Variants in GNB4 observed in about 807,000 individuals in gnomAD.
GNB4 encodes the protein G protein subunit beta 4.
A neutral mutation model predicts 45.2 loss-of-function variants in GNB4; 28 were observed. That is an observed-to-expected ratio of 0.62 (90% CI 0.46 to 0.85). GNB4 has a LOEUF of 0.85. Among genes scored for constraint, GNB4 ranks in the 40% least tolerant of loss-of-function variants. The probability of loss-of-function intolerance (pLI) is 0.00; values close to 1 mark genes in which losing one functional copy is unlikely to be tolerated. For missense variants in GNB4, 321 were observed against 425.4 expected, an observed-to-expected ratio of 0.75 and a Z score of 2.16; for synonymous variants, 132 against 143.7, an observed-to-expected ratio of 0.92 and a Z score of 0.58.
At chr3:179,433,532 G>C (rs987988952) in intron 1 of GNB4, among the ~76,000 whole-genome samples, 1 of 151,520 alleles carries the variant, frequency 6.6e-6, no homozygotes, top group African/African-American at 2.4e-5. Flanking sequence ...TTAAGCACAG[G>C]AATTTGAAGC....
chr3:179,405,185 C>A lies in GNB4; in HGVS notation c.916+5G>T. 6.2e-7 allele frequency: 1 copy of A among 1,609,750 alleles called. No homozygotes were observed. On this transcript the variant is annotated splice_donor_5th_base_variant and intron_variant, in intron 9 of 9. Transcript: ENST00000232564. The stretch of plus-strand genomic sequence containing the variant: ...TCAGAACCTAATGTGGACTTATTTA[C>A]TAACCTGCACGATCTCCTTTTAGCG...
At chr3:179,499,568 T>G in the GNB4 span, among the ~76,000 whole-genome samples, 2 of 152,324 alleles carry the variant, frequency 1.3e-5, no homozygotes, top group Admixed American at 1.3e-4. Flanking sequence ...ACATGTGTCT[T>G]TATAGTAGAA....
chr3:179,421,997 G>A (rs1230548356), intron 2 of GNB4, among the ~76,000 whole-genome samples: 1 of 152,158 alleles, frequency 6.6e-6, no homozygotes, highest in African/African-American at 2.4e-5. Context: ...CAAGCTTTAT[G>A]AAAATGAACC....
the GNB4 span, chr3:179,464,538 G>C: frequency 3.1e-6 from 5 of 1,597,952 alleles, no homozygotes; most frequent in East Asian, 6.7e-5. Context: ...GGCCTCAGGC[G>C]ACAAACGGCC....
intron 8 of GNB4, among the ~76,000 whole-genome samples, chr3:179,412,546 A>G (rs997625522): frequency 6.6e-6 from 1 of 152,156 alleles, no homozygotes; most frequent in African/African-American, 2.4e-5. Flanking sequence ...TAGTCTCCAC[A>G]CCATTCTCTG....
intron 8 of GNB4, among the ~76,000 whole-genome samples, chr3:179,407,240 C>G (rs1330670631): frequency 6.6e-6 from 1 of 152,130 alleles, no homozygotes; most frequent in East Asian, 1.9e-4. Context: ...GGGCAGATCA[C>G]CTGAGGTCAG....
chr3:179,502,256 G>T, the GNB4 span, among the ~76,000 whole-genome samples: 2 of 125,830 alleles, frequency 1.6e-5, no homozygotes, highest in African/African-American at 3.1e-5. Context: ...TTTTTTGAGA[G>T]GGAGTTTTGC....
chr3:179,413,999 A>G (rs1714725444), intron 6 of GNB4, among the ~76,000 whole-genome samples: 1 of 152,184 alleles, frequency 6.6e-6, no homozygotes. Flanking sequence ...TGTTAATGAC[A>G]TTGTGCTGGG....
chr3:179,489,046 A>ATATATT, the GNB4 span, among the ~76,000 whole-genome samples: 1,452 of 38,486 alleles, frequency 0.038, 237 homozygotes, highest in East Asian at 0.13. Context: ...ATATATATAT[A>ATATATT]ATATATATGT....
chr3:179,405,736 T>G (rs548469312), intron 8 of GNB4: 16 of 188,120 alleles, frequency 8.5e-5, no homozygotes, highest in Admixed American at 1.7e-4. Context: ...TGTGTGTGTG[T>G]GGCTGTTGTA....
chr3:179,453,921 G>T (rs751897532), upstream of GNB4, among the ~76,000 whole-genome samples: 6 of 151,258 alleles, frequency 4.0e-5, no homozygotes, highest in Non-Finnish European at 7.4e-5. Context: ...CTGATTAAAA[G>T]AATTTTGTCA....
At chr3:179,490,695 A>G in the GNB4 span, among the ~76,000 whole-genome samples, 2 of 152,120 alleles carry the variant, frequency 1.3e-5, no homozygotes, top group Non-Finnish European at 2.9e-5. Flanking sequence ...AGAGAGACCA[A>G]CCTGCCTTTC....
the GNB4 span, among the ~76,000 whole-genome samples, chr3:179,486,250 A>G: frequency 3.3e-5 from 5 of 150,786 alleles, no homozygotes; most frequent in African/African-American, 1.2e-4. Flanking sequence ...TAAAAGATGC[A>G]TGTTCTGTAA....
the GNB4 span, among the ~76,000 whole-genome samples, chr3:179,519,656 C>T: frequency 0.019 from 2,893 of 152,260 alleles, 66 homozygotes; most frequent in East Asian, 0.07. Context: ...GCTTCCCTAA[C>T]TATTCCTAGG....
At chr3:179,506,800 A>G in the GNB4 span, among the ~76,000 whole-genome samples, 6 of 151,968 alleles carry the variant, frequency 3.9e-5, no homozygotes, top group Non-Finnish European at 7.4e-5. Context: ...ATTTTTTTCT[A>G]TATTACCCTC....
chr3:179,465,374 C>T, the GNB4 span: 26 of 741,340 alleles, frequency 3.5e-5, no homozygotes, highest in Admixed American at 4.6e-5. Context: ...GAGGCCGAGG[C>T]GGGCGAATCA....
At chr3:179,524,394 C>G in the GNB4 span, among the ~76,000 whole-genome samples, 1 of 152,234 alleles carries the variant, frequency 6.6e-6, no homozygotes, top group South Asian at 2.1e-4. Flanking sequence ...GCACTTGAAG[C>G]AAGATCCTGA....
the GNB4 span, among the ~76,000 whole-genome samples, chr3:179,474,026 T>TA: frequency 6.6e-6 from 1 of 152,088 alleles, no homozygotes; most frequent in Non-Finnish European, 1.5e-5. Flanking sequence ...CACTGAGGCT[T>TA]AAAAAAGTAA....
chr3:179,430,630 T>C (rs1219170824), intron 1 of GNB4, among the ~76,000 whole-genome samples: 1 of 151,422 alleles, frequency 6.6e-6, no homozygotes, highest in Non-Finnish European at 1.5e-5. Context: ...ATTTTTTTTT[T>C]TTTTTTTTGA....
Sources: gnomAD v4.1 joint callset for allele counts (sites outside exome capture counted in the v4.1 genomes callset) on GRCh38, gnomAD v4.1.1 for gene constraint, MANE v1.5 for transcripts, NCBI Gene and HGNC (gene_info 2026-07-23, HGNC 2026-07-21) for gene names.